Variants in DOCK6 observed in about 807,000 individuals in gnomAD.
The protein encoded by DOCK6 is dedicator of cytokinesis protein 6.
A neutral mutation model predicts 230.3 loss-of-function variants in DOCK6; 167 were observed. The observed-to-expected ratio is 0.73, with a 90% CI of 0.64 to 0.82. The LOEUF (loss-of-function observed/expected upper bound fraction) is 0.82, where lower values mean the gene tolerates loss of function less well. Ranked by LOEUF, DOCK6 falls within the 40% of genes least tolerant of loss-of-function variation. DOCK6 has a pLI of 0.00. For missense variants in DOCK6, 2,598 were observed against 2,825.8 expected, an observed-to-expected ratio of 0.92 and a Z score of 1.83; for synonymous variants, 1,148 against 1,185.0, an observed-to-expected ratio of 0.97 and a Z score of 0.64.
chr19:11,213,320 C>T lies in DOCK6; in HGVS notation c.4347G>A (p.Glu1449=), dbSNP rs1280662072. Reference sequence around the variant, plus strand: ...GCTCCGTGTCCTCCTCGAACAGCAGCTCCGGGAACTGCCCCCAAGGACCCA... The same window carrying T: ...GCTCCGTGTCCTCCTCGAACAGCAGTTCCGGGAACTGCCCCCAAGGACCCA... ...TQRALVSKFP[E]LLFEEDTELC... Residue 1449 remains glutamate (E), a synonymous_variant, in exon 35 of 48, where the codon GAG becomes GAA. Coordinates refer to ENST00000294618, the MANE Select transcript of DOCK6 (RefSeq NM_020812.4). 1.2e-6 allele frequency: 2 copies of T among 1,610,982 alleles called. No homozygotes were observed. The highest frequency in any genetic ancestry group is 1.7e-6 in the Non-Finnish European group (2 of 1,179,510).
At chr19:11,205,663 G>A (rs2079246654) in intron 39 of DOCK6, 2 of 151,816 alleles carry the variant, frequency 1.3e-5, no homozygotes, top group East Asian at 3.9e-4. Context: ...TTTTAGTAGA[G>A]ATGGGGTTTC....
At chr19:11,203,981 G>A (rs1006059823) in intron 41 of DOCK6, 100 bp downstream of exon 41, 28 of 1,477,460 alleles carry the variant, frequency 1.9e-5, no homozygotes, top group East Asian at 9.9e-5. Flanking sequence ...AAGGGCCAGC[G>A]GCCATGCTCC....
intron 18 of DOCK6, 39 bp downstream of exon 18, chr19:11,237,417 G>A: frequency 6.2e-7 from 1 of 1,609,734 alleles, no homozygotes; most frequent in Non-Finnish European, 8.5e-7. Flanking sequence ...GTGCTTCTGG[G>A]GACAGTGCAT....
At chr19:11,228,660 C>T (rs945515284) in intron 23 of DOCK6, among the ~76,000 whole-genome samples, 3 of 151,222 alleles carry the variant, frequency 2.0e-5, no homozygotes, top group East Asian at 2.0e-4. Flanking sequence ...CCTGGGTGCA[C>T]GCCATTCTTC....
intron 1 of DOCK6, among the ~76,000 whole-genome samples, chr19:11,256,552 C>G (rs959160423): frequency 6.6e-6 from 1 of 152,226 alleles, no homozygotes; most frequent in African/African-American, 2.4e-5. Context: ...TTGAGCTGTT[C>G]TGAGTGTAAG....
At chr19:11,209,248 C>T in intron 37 of DOCK6, 145 bp from the exon 38 acceptor site, 1 of 918,928 alleles carries the variant, frequency 1.1e-6, no homozygotes, top group Non-Finnish European at 1.6e-6. Context: ...CATCCCCTCA[C>T]TCATTCCCTC....
At chr19:11,257,165 ATTATTATTATTT>A (rs2080210668) in intron 1 of DOCK6, among the ~76,000 whole-genome samples, 1 of 150,024 alleles carries the variant, frequency 6.7e-6, no homozygotes, top group South Asian at 2.1e-4. Context: ...TATTATTATT[ATTATTATTATTT>A]GTAGAAATGG....
rs181867999 is a variant in DOCK6 at position 11,200,904 on chromosome 19, C to T, written c.5832+5G>A. On this transcript the variant is annotated splice_donor_5th_base_variant and intron_variant, in intron 45 of 47. Coordinates refer to ENST00000294618, the MANE Select transcript of DOCK6 (RefSeq NM_020812.4). This position sits in a 1 kb window ranked among gnomAD's most constrained non-coding sequence, Gnocchi z 4.3. Reference sequence around the variant, plus strand: ...CGGCTTGCATCCCCCTTCCACCAGCCGTGCCTGGTTCACGGTGGGCCCTAC... The same window carrying T: ...CGGCTTGCATCCCCCTTCCACCAGCTGTGCCTGGTTCACGGTGGGCCCTAC... 75 of 1,613,866 alleles carry T rather than the reference C, an allele frequency of 4.6e-5. No homozygotes were observed. The African/African-American group carries it at 5.9e-4, about 13-fold the overall frequency.
Position 11,236,108 on chromosome 19 carries a change from G to A in DOCK6, c.2392+238C>T, listed in dbSNP as rs375687547. 2.0e-5 allele frequency: 11 copies of A among 558,862 alleles called. No individual in the cohort carries two copies. The highest frequency in any genetic ancestry group is 3.1e-5 in the Non-Finnish European group (10 of 320,794). 34.6% of individuals were successfully genotyped at this position (558,862 alleles called of 1,614,324 possible). ...TTGGTCAGGCTGGTCTCAAACTCTC[G>A]ACCTCAGGTGATCTGCCCGCCTCGG... On this transcript the variant is annotated intron_variant, in intron 20 of 47. Coordinates refer to ENST00000294618, the MANE Select transcript of DOCK6 (RefSeq NM_020812.4). The surrounding 1 kb of genome is among the most constrained non-coding windows in gnomAD (Gnocchi z 5.2).
chr19:11,252,273 G>T, intron 4 of DOCK6, 25 bp from the exon 5 acceptor site: 1 of 1,576,350 alleles, frequency 6.3e-7, no homozygotes, highest in African/African-American at 1.3e-5. Flanking sequence ...GGCTGGGCAG[G>T]TAGGGAGGGC....
At chr19:11,257,023 G>A (rs930048661) in intron 1 of DOCK6, among the ~76,000 whole-genome samples, 9 of 151,448 alleles carry the variant, frequency 5.9e-5, no homozygotes, top group African/African-American at 2.2e-4. Flanking sequence ...AGGTCTTACT[G>A]TCGCCCAGGC....
At position 11,233,278 on chromosome 19, in the gene DOCK6, G is replaced by A. The variant is rs1568244286; in HGVS notation, c.2643C>T (p.Ile881=). 1 of 1,613,908 alleles carries A rather than the reference G, an allele frequency of 6.2e-7. No individual in the cohort carries two copies. ...CGGCGAGGTCAGGGTTGCTGCTGCTGATGCTCTTGGAACGCGCCAGGTAGA... is the reference window on the plus strand; with the variant it reads ...CGGCGAGGTCAGGGTTGCTGCTGCTAATGCTCTTGGAACGCGCCAGGTAGA... ...ASLYLARSKS[I]SSSNPDLAVA... is the part of the protein sequence containing the mutation. Residue 881 remains isoleucine (I), a synonymous_variant, in exon 22 of 48, where the codon ATC becomes ATT. Coordinates refer to ENST00000294618, the MANE Select transcript of DOCK6 (RefSeq NM_020812.4).
At position 11,222,062 on chromosome 19, in the gene DOCK6, C is replaced by T; in HGVS notation, c.3381-42G>A. On this transcript the variant is annotated intron_variant, in intron 27 of 47. Coordinates refer to ENST00000294618, the MANE Select transcript of DOCK6 (RefSeq NM_020812.4). This position sits in a 1 kb window ranked among gnomAD's most constrained non-coding sequence, Gnocchi z 4.0. ...TGCTCAGGACAGGGTGGACATGGCT[C>T]CTGGACTGTCCCACCTGTCCTGGGG... The T allele has an allele frequency of 1.2e-6, 2 of 1,606,844 alleles. No homozygotes were observed. Among genetic ancestry groups the T allele is most frequent in the South Asian group, 1.1e-5 (1 of 90,738 alleles).
At position 11,227,365 on chromosome 19, in the gene DOCK6, C is replaced by A. The variant is rs765974838; in HGVS notation, c.2927G>T (p.Gly976Val). 1.9e-6 allele frequency: 3 copies of A among 1,613,894 alleles called. No homozygotes were observed. The highest frequency in any genetic ancestry group is 2.5e-6 in the Non-Finnish European group (3 of 1,179,880). ...GTGGACACGGGTGATGACCTCCAGG[C>A]CCACAGAGCCCACCAAGGCAGTGAT... The part of the protein sequence containing the change: ...DDITALVGSV[G>V]LEVITRVHKD... Residue 976 changes from glycine to valine, a missense_variant, in exon 24 of 48, where the codon GGC (glycine) becomes GTC (valine). Coordinates refer to ENST00000294618, the MANE Select transcript of DOCK6 (RefSeq NM_020812.4).
chr19:11,222,396 G>T lies in DOCK6; in HGVS notation c.3241-148C>A. ...TGTTAAGTCATCTGGAGGTGACAGT[G>T]GGCATGGGTTTCAAGGCCAGAAGTG... On this transcript the variant is annotated intron_variant, in intron 26 of 47. Coordinates refer to ENST00000294618, the MANE Select transcript of DOCK6 (RefSeq NM_020812.4). The surrounding 1 kb of genome is among the most constrained non-coding windows in gnomAD (Gnocchi z 4.0). The T allele has an allele frequency of 8.5e-7, 1 of 1,177,366 alleles. No individual in the cohort carries two copies. The highest frequency in any genetic ancestry group is 1.2e-6 in the Non-Finnish European group (1 of 850,246). 72.9% of individuals were successfully genotyped at this position (1,177,366 alleles called of 1,614,324 possible). A position where few individuals can be genotyped will look rare whatever the true frequency, so the allele number is the denominator to read the frequency against.
intron 6 of DOCK6, 89 bp from the exon 7 acceptor site, chr19:11,248,240 AC>A: frequency 1.0e-6 from 1 of 988,868 alleles, no homozygotes; most frequent in Non-Finnish European, 1.5e-6. Flanking sequence ...GACCAGCTCT[AC>A]CCCAGCCTGA....
Position 11,216,844 on chromosome 19 carries a change from G to A in DOCK6, c.3894+70C>T, listed in dbSNP as rs868833020. The stretch of plus-strand genomic sequence containing the variant: ...CAGTCCACCCCTTCCCACTCAGCCC[G>A]CAGCACGCTGGGTCCCTGGGTACAT... On this transcript the variant is annotated intron_variant, in intron 30 of 47. Coordinates refer to ENST00000294618, the MANE Select transcript of DOCK6 (RefSeq NM_020812.4). 54 of 1,521,694 alleles carry A rather than the reference G, an allele frequency of 3.5e-5. No individual in the cohort carries two copies. In the Middle Eastern group the frequency reaches 5.3e-4, roughly 15 times the overall value. 94.3% of individuals were successfully genotyped at this position (1,521,694 alleles called of 1,614,324 possible).
chr19:11,251,879 G>T (rs1305971763), intron 5 of DOCK6: 2 of 556,974 alleles, frequency 3.6e-6, no homozygotes, highest in African/African-American at 3.8e-5. Flanking sequence ...CCTTACCTGG[G>T]TGTAATGGCT....
In DOCK6 at chr19:11,237,332, CG is replaced by C. The variant is rs1283114492; in HGVS notation, c.2073+123del. 19 of 985,778 alleles carry C rather than the reference CG, an allele frequency of 1.9e-5. No individual in the cohort carries two copies. The South Asian group carries it at 1.9e-4, about 10-fold the overall frequency. The allele number at this position is 985,778 out of a possible 1,614,324, so 61.1% of individuals were successfully genotyped here. On this transcript the variant is annotated intron_variant, in intron 18 of 47. Coordinates refer to ENST00000294618, the MANE Select transcript of DOCK6 (RefSeq NM_020812.4). ...ATTAATAGGGGAATAATGAGCTACA[CG>C]GGGGCCCTGGAGGCACCAGTAGAGG... is the stretch of plus-strand genomic sequence containing the variant.
Sources: gnomAD v4.1 joint callset for allele counts (sites outside exome capture counted in the v4.1 genomes callset) on GRCh38, gnomAD v4.1.1 for gene constraint, Gnocchi (gnomAD v3.1) non-coding constraint, MANE v1.5 for transcripts, NCBI Gene and HGNC (gene_info 2026-07-23, HGNC 2026-07-21) for gene names.